Variants in CEP97 observed in about 807,000 individuals in gnomAD.
The protein encoded by CEP97 is centrosomal protein of 97 kDa.
Under a neutral mutation model 73.1 loss-of-function variants are expected in CEP97, and 43 were observed. The observed-to-expected ratio is 0.59, with a 90% CI of 0.46 to 0.76. The LOEUF is 0.76. Among genes scored for constraint, CEP97 ranks in the 30% least tolerant of loss-of-function variants. The pLI, the probability that CEP97 is intolerant of heterozygous loss-of-function variation, is 0.00. For synonymous variants in CEP97, 337 were observed against 370.0 expected, an observed-to-expected ratio of 0.91 and a Z score of 1.02; for missense variants, 939 against 1,014.0, an observed-to-expected ratio of 0.93 and a Z score of 1.00.
At chr3:101,747,987 C>G (rs1016844425) in intron 6 of CEP97, among the ~76,000 whole-genome samples, 7 of 151,344 alleles carry the variant, frequency 4.6e-5, no homozygotes, top group Non-Finnish European at 1.0e-4. Context: ...AAAAAATTAG[C>G]TGGGTATGCT....
At chr3:101,730,339 C>T (rs890987774) in intron 4 of CEP97, among the ~76,000 whole-genome samples, 32 of 152,024 alleles carry the variant, frequency 2.1e-4, no homozygotes, top group Non-Finnish European at 3.8e-4. Context: ...AATCTCGGCT[C>T]ACTGCAACCT....
intron 9 of CEP97, 45 bp from the exon 10 acceptor site, chr3:101,762,440 A>G: frequency 7.7e-7 from 1 of 1,300,104 alleles, no homozygotes; most frequent in Non-Finnish European, 1.1e-6. Flanking sequence ...AGTCTGAGTC[A>G]AAGCACCCTT....
intron 6 of CEP97, among the ~76,000 whole-genome samples, chr3:101,741,988 G>T (rs1938471942): frequency 6.6e-6 from 1 of 151,504 alleles, no homozygotes; most frequent in Non-Finnish European, 1.5e-5. Flanking sequence ...GTTGCAGTGA[G>T]CTGAGATTGT....
chr3:101,730,085 C>T (rs999369080), intron 4 of CEP97, among the ~76,000 whole-genome samples: 23 of 152,018 alleles, frequency 1.5e-4, no homozygotes, highest in Admixed American at 3.3e-4. Flanking sequence ...GGATTACAAG[C>T]GTGAGCCACT....
At chr3:101,733,632 G>A (rs1012712421) in intron 6 of CEP97, among the ~76,000 whole-genome samples, 2 of 150,996 alleles carry the variant, frequency 1.3e-5, no homozygotes, top group South Asian at 2.1e-4. Flanking sequence ...CCGGGTTCAC[G>A]CCATTCTCCT....
intron 4 of CEP97, among the ~76,000 whole-genome samples, chr3:101,729,173 A>G (rs1347098429): frequency 6.6e-6 from 1 of 152,016 alleles, no homozygotes; most frequent in Non-Finnish European, 1.5e-5. Context: ...GCAAAGCCCC[A>G]TCTCTACTAA....
intron 9 of CEP97, 143 bp downstream of exon 9, chr3:101,758,566 G>A (rs375418274): frequency 1.0e-6 from 1 of 987,546 alleles, no homozygotes. Flanking sequence ...CTCCTACAGT[G>A]TACCGAAAGC....
At chr3:101,732,188 G>A (rs996634981) in intron 5 of CEP97, among the ~76,000 whole-genome samples, 18 of 152,216 alleles carry the variant, frequency 1.2e-4, no homozygotes, top group Middle Eastern at 3.4e-3. Context: ...GGTGGTAGAG[G>A]GACATCTACG....
intron 6 of CEP97, among the ~76,000 whole-genome samples, chr3:101,738,057 C>T (rs1938339218): frequency 7.0e-6 from 1 of 143,040 alleles, no homozygotes; most frequent in Admixed American, 7.0e-5. Flanking sequence ...ATCATAGTCT[C>T]TGATAAAACA....
chr3:101,734,899 C>T lies in CEP97; in HGVS notation c.728+2245C>T, dbSNP rs77478829. On this transcript the variant is annotated intron_variant, in intron 6 of 10. Coordinates refer to ENST00000341893, the MANE Select transcript of CEP97 (RefSeq NM_024548.4). ...CACAAAGAGAGATGAGACCTGCTTA[C>T]GATAGACAGGGGAAGGCTTCACTTT... Among the ~76,000 whole-genome samples, 1,154 of 152,236 alleles carry T rather than the reference C, an allele frequency of 7.6e-3. 11 individuals are homozygous for T. Among genetic ancestry groups the T allele is most frequent in the African/African-American group, 0.026 (1,093 of 41,520 alleles).
intron 6 of CEP97, among the ~76,000 whole-genome samples, 167 bp from the exon 7 acceptor site, chr3:101,755,263 A>G (rs1244428127): frequency 6.6e-6 from 1 of 152,230 alleles, no homozygotes; most frequent in Admixed American, 6.5e-5. Context: ...AGAATGGTGA[A>G]TATGAGTCAG....
At chr3:101,731,690 T>G in intron 4 of CEP97, 150 bp from the exon 5 acceptor site, 2 of 565,624 alleles carry the variant, frequency 3.5e-6, no homozygotes, top group Non-Finnish European at 6.2e-6. Context: ...CAAGGACCCT[T>G]GTAGCATTAA....
intron 9 of CEP97, among the ~76,000 whole-genome samples, chr3:101,761,381 G>A (rs1264296030): frequency 1.3e-5 from 2 of 152,174 alleles, no homozygotes; most frequent in Non-Finnish European, 2.9e-5. Flanking sequence ...TGACTGACAT[G>A]GGGTGGATTA....
At chr3:101,725,991 A>G (rs1667535136) in intron 1 of CEP97, among the ~76,000 whole-genome samples, 1 of 152,262 alleles carries the variant, frequency 6.6e-6, no homozygotes. Flanking sequence ...AATTTGCCTA[A>G]TATACCACAA....
At chr3:101,732,727 T>C (rs1938152970) in intron 6 of CEP97, 73 bp downstream of exon 6, 1 of 1,315,680 alleles carries the variant, frequency 7.6e-7, no homozygotes, top group Non-Finnish European at 1.1e-6. Context: ...ATTAATAGAG[T>C]ATTTCTTAAA....
Position 101,765,753 on chromosome 3 carries a change from T to A in CEP97, c.*202T>A, listed in dbSNP as rs1270638792. 3.7e-6 allele frequency: 2 copies of A among 543,756 alleles called. No individual in the cohort carries two copies. The highest frequency in any genetic ancestry group is 6.2e-5 in the East Asian group (2 of 32,432). 33.7% of individuals were successfully genotyped at this position (543,756 alleles called of 1,614,324 possible). A position where few individuals can be genotyped will look rare whatever the true frequency, so the allele number is the denominator to read the frequency against. ...ATTTTGTTAGCTTTTTACTTAGCTG[T>A]AAGGTACCAAACTATTTATATTGAA... On this transcript the variant is annotated 3_prime_UTR_variant, in exon 11 of 11. Coordinates refer to ENST00000341893, the MANE Select transcript of CEP97 (RefSeq NM_024548.4).
Position 101,758,233 on chromosome 3 carries a change from C to T in CEP97, c.1627C>T (p.Gln543Ter), listed in dbSNP as rs1939073154. 6.2e-7 allele frequency: 1 copy of T among 1,614,108 alleles called. No homozygotes were observed. Among genetic ancestry groups the T allele is most frequent in the African/African-American group, 1.3e-5 (1 of 75,014 alleles). ...AGAGAAACTTCCCATGATTTTAACCCAGAGATCTGTTGCTTTGGGACAAGA... is the reference window on the plus strand; with the variant it reads ...AGAGAAACTTCCCATGATTTTAACCTAGAGATCTGTTGCTTTGGGACAAGA... ...TSEKLPMILT[Q>*]RSVALGQDKV... The change falls in exon 9 of 11, where the codon CAG (glutamine) becomes TAG (stop). Residue 543 changes from glutamine to a stop codon, truncating the protein, a stop_gained. Coordinates refer to ENST00000341893, the MANE Select transcript of CEP97 (RefSeq NM_024548.4). LOFTEE classifies it high-confidence loss of function.
intron 6 of CEP97, among the ~76,000 whole-genome samples, chr3:101,752,319 C>T (rs1308456412): frequency 3.3e-5 from 5 of 152,086 alleles, no homozygotes; most frequent in Non-Finnish European, 7.4e-5. Context: ...TCTCTGGCTG[C>T]CCTTAACATT....
intron 6 of CEP97, among the ~76,000 whole-genome samples, chr3:101,746,822 A>G (rs1412461586): frequency 6.7e-6 from 1 of 150,102 alleles, no homozygotes; most frequent in Admixed American, 6.6e-5. Flanking sequence ...GAACTCAAAC[A>G]AATTTACAAG....
Sources: allele counts gnomAD v4.1 joint callset (sites outside exome capture counted in the v4.1 genomes callset), GRCh38; gene constraint gnomAD v4.1.1; transcripts MANE v1.5; gene names NCBI Gene and HGNC (gene_info 2026-07-23, HGNC 2026-07-21).